Variants in CDH23 observed in about 807,000 individuals in gnomAD.
CDH23 encodes the protein cadherin-23.
In CDH23, 189 loss-of-function variants were observed where a neutral mutation model predicts 317.1. The ratio of observed to expected loss-of-function variants is 0.60; its 90% confidence interval spans 0.53 to 0.67. The LOEUF is 0.67. Ranked by LOEUF, CDH23 falls within the 30% of genes least tolerant of loss-of-function variation. CDH23 has a pLI of 0.00. For missense variants in CDH23, 4,401 were observed against 4,592.4 expected, an observed-to-expected ratio of 0.96 and a Z score of 1.20; for synonymous variants, 1,839 against 1,876.8, an observed-to-expected ratio of 0.98 and a Z score of 0.52.
chr10:71,524,144 G>T (rs1854878688), intron 6 of CDH23, among the ~76,000 whole-genome samples: 1 of 152,216 alleles, frequency 6.6e-6, no homozygotes, highest in African/African-American at 2.4e-5. Flanking sequence ...TCACATATAT[G>T]CAGGACTATT....
At chr10:71,767,722 G>A (rs1439555279) in intron 38 of CDH23, among the ~76,000 whole-genome samples, 2 of 152,382 alleles carry the variant, frequency 1.3e-5, no homozygotes, top group East Asian at 1.9e-4. Context: ...TCTGCCCTGG[G>A]GCTTTCTGGC....
At position 71,760,219 on chromosome 10, in the gene CDH23, GTGTATATATA is replaced by G. The variant is rs1449715682; in HGVS notation, c.4846-17452_4846-17443del. Among the ~76,000 whole-genome samples, 39 of 52,034 alleles carry G rather than the reference GTGTATATATA, an allele frequency of 7.5e-4. 5 individuals carry two copies. Among genetic ancestry groups the G allele is most frequent in the African/African-American group, 3.1e-3 (38 of 12,384 alleles). The allele number at this position is 52,034 out of a possible 152,430, so 34.1% of individuals were successfully genotyped here. A position where few individuals can be genotyped will look rare whatever the true frequency, so the allele number is the denominator to read the frequency against. On this transcript the variant is annotated intron_variant, in intron 38 of 69. Transcript: ENST00000224721. ...TATACATATATATGTGTGTATATAT[GTGTATATATA>G]TGTATATACATATATATGTATGTAT...
intron 11 of CDH23, among the ~76,000 whole-genome samples, chr10:71,623,221 G>T (rs1328651054): frequency 6.6e-6 from 1 of 152,222 alleles, no homozygotes; most frequent in Non-Finnish European, 1.5e-5. Flanking sequence ...GTCCCAGAAA[G>T]CCTTCAGAAA....
intron 42 of CDH23, 73 bp from the exon 43 acceptor site, chr10:71,784,818 C>A: frequency 7.8e-7 from 1 of 1,277,620 alleles, no homozygotes. Flanking sequence ...CCTTGGCGAA[C>A]CTCCTCCTCG....
intron 6 of CDH23, among the ~76,000 whole-genome samples, chr10:71,538,170 G>A (rs1465591898): frequency 6.6e-6 from 1 of 152,174 alleles, no homozygotes; most frequent in African/African-American, 2.4e-5. Flanking sequence ...TGGTCACGTT[G>A]CTCAGGAAGA....
At chr10:71,419,287 G>T (rs1010663350) in intron 1 of CDH23, among the ~76,000 whole-genome samples, 1 of 152,208 alleles carries the variant, frequency 6.6e-6, no homozygotes, top group African/African-American at 2.4e-5. Flanking sequence ...GAAGAATGAA[G>T]TGACCTTGAG....
At chr10:71,600,840 C>G (rs1860175144) in intron 9 of CDH23, among the ~76,000 whole-genome samples, 1 of 152,144 alleles carries the variant, frequency 6.6e-6, no homozygotes, top group Admixed American at 6.6e-5. Flanking sequence ...TAAAAGTTGA[C>G]CTTTCCTATA....
intron 1 of CDH23, among the ~76,000 whole-genome samples, chr10:71,409,153 T>C (rs1848240562): frequency 6.6e-6 from 1 of 152,160 alleles, no homozygotes; most frequent in African/African-American, 2.4e-5. Context: ...GGACTTTTTG[T>C]CTCCTGAGGC....
intron 38 of CDH23, chr10:71,755,577 C>A: frequency 1.0e-6 from 1 of 960,288 alleles, no homozygotes; most frequent in Non-Finnish European, 1.6e-6. Flanking sequence ...CGCCTTTCCC[C>A]AGAGTCCCAC....
intron 46 of CDH23, chr10:71,790,648 C>T (rs1202682003): frequency 5.2e-6 from 3 of 572,366 alleles, no homozygotes; most frequent in Non-Finnish European, 9.2e-6. Context: ...TGCACGAACT[C>T]TCAGCCTGGG....
chr10:71,578,105 C>A, intron 9 of CDH23, 113 bp downstream of exon 9: 1 of 1,048,990 alleles, frequency 9.5e-7, no homozygotes, highest in Non-Finnish European at 1.4e-6. Context: ...GCATGTGGGA[C>A]AGGGTAGGAG....
intron 18 of CDH23, among the ~76,000 whole-genome samples, chr10:71,685,461 G>A (rs1864836289): frequency 6.6e-6 from 1 of 152,160 alleles, no homozygotes; most frequent in African/African-American, 2.4e-5. Context: ...TGAAGGGACT[G>A]AACTCACTTT....
intron 9 of CDH23, among the ~76,000 whole-genome samples, chr10:71,583,244 C>T (rs535610154): frequency 6.6e-4 from 10 of 15,084 alleles, no homozygotes; most frequent in Non-Finnish European, 8.9e-4. Context: ...ACAGGGGAGG[C>T]GGGGTGGGGG....
At chr10:71,605,038 A>G (rs1348475512) in intron 9 of CDH23, among the ~76,000 whole-genome samples, 1 of 152,200 alleles carries the variant, frequency 6.6e-6, no homozygotes, top group African/African-American at 2.4e-5. Context: ...AGCAGCCTGC[A>G]TCTAGCACCA....
chr10:71,684,110 C>CAACA (rs1554854923), intron 18 of CDH23, among the ~76,000 whole-genome samples: 91 of 149,550 alleles, frequency 6.1e-4, no homozygotes, highest in Non-Finnish European at 1.1e-3. Flanking sequence ...CAAACAACAA[C>CAACA]AAAAAAAAAC....
chr10:71,806,017 C>A lies in CDH23; in HGVS notation c.8064+20C>A. 1.2e-6 allele frequency: 1 copy of A among 869,412 alleles called. No homozygotes were observed. Among genetic ancestry groups the A allele is most frequent in the Non-Finnish European group, 1.7e-6 (1 of 585,678 alleles). 53.9% of individuals were successfully genotyped at this position (869,412 alleles called of 1,614,324 possible). A position where few individuals can be genotyped will look rare whatever the true frequency, so the allele number is the denominator to read the frequency against. On this transcript the variant is annotated intron_variant, in intron 56 of 69. Coordinates refer to ENST00000224721, the MANE Select transcript of CDH23 (RefSeq NM_022124.6). ...TACAGCGTAAGGGCGGGGCCCGGTG[C>A]GAGGGGCGGGGTCTGGGGCGGGGCT...
intron 52 of CDH23, 24 bp from the exon 53 acceptor site, chr10:71,800,612 C>T (rs1018393584): frequency 6.8e-6 from 11 of 1,611,310 alleles, no homozygotes; most frequent in Non-Finnish European, 9.3e-6. Flanking sequence ...ATTGAAGGAC[C>T]TAAAGCCACC....
intron 3 of CDH23, among the ~76,000 whole-genome samples, chr10:71,477,585 T>C (rs1356072088): frequency 6.6e-6 from 1 of 152,138 alleles, no homozygotes; most frequent in Non-Finnish European, 1.5e-5. Flanking sequence ...ATGTGCAGGG[T>C]CCAGCTCCAA....
chr10:71,398,428 AGT>A (rs143519061), intron 1 of CDH23, among the ~76,000 whole-genome samples: 6,606 of 120,130 alleles, frequency 0.055, 207 homozygotes, highest in African/African-American at 0.098. Context: ...GAGACACAGG[AGT>A]GTGTGTGTGT....
Sources: allele counts gnomAD v4.1 joint callset (sites outside exome capture counted in the v4.1 genomes callset), GRCh38; gene constraint gnomAD v4.1.1; transcripts MANE v1.5; gene names NCBI Gene and HGNC (gene_info 2026-07-23, HGNC 2026-07-21).